The following MCC variants were observed in gnomAD, a reference collection of about 807,000 sequenced individuals.
MCC encodes the protein colorectal mutant cancer protein.
In MCC, 90 loss-of-function variants were observed where a neutral mutation model predicts 116.2. The ratio of observed to expected loss-of-function variants is 0.77; its 90% confidence interval spans 0.65 to 0.92. The LOEUF (loss-of-function observed/expected upper bound fraction) is 0.92. MCC is among the 40% of genes least tolerant of loss of function. The probability of loss-of-function intolerance (pLI) is 0.00; values close to 1 mark genes in which losing one functional copy is unlikely to be tolerated. For missense variants in MCC, 1,516 were observed against 1,312.2 expected (o/e 1.16, Z -2.40); for synonymous variants, 578 against 510.5 (o/e 1.13, Z -1.78).
intron 3 of MCC, among the ~76,000 whole-genome samples, chr5:113,226,785 T>G (rs913511842): frequency 3.3e-5 from 5 of 152,180 alleles, no homozygotes; most frequent in African/African-American, 1.2e-4. Flanking sequence ...AACTTTACAA[T>G]GTTTTATCTG....
At chr5:113,230,970 A>G (rs1763919065) in intron 3 of MCC, among the ~76,000 whole-genome samples, 1 of 152,164 alleles carries the variant, frequency 6.6e-6, no homozygotes, top group Admixed American at 6.5e-5. Context: ...TGAGCCCGAC[A>G]AACACTCCCC....
chr5:113,355,668 C>T (rs982748355), intron 2 of MCC, among the ~76,000 whole-genome samples: 8 of 152,130 alleles, frequency 5.3e-5, no homozygotes, highest in Non-Finnish European at 1.0e-4. Flanking sequence ...CTACCTCTTG[C>T]TGTGTCCTCA....
chr5:113,140,150 C>G (rs551829749), intron 5 of MCC, among the ~76,000 whole-genome samples: 180 of 152,236 alleles, frequency 1.2e-3, no homozygotes, highest in African/African-American at 4.2e-3. Flanking sequence ...GTTGGATTTT[C>G]TACTTATCTC....
At chr5:113,286,567 T>C (rs991959112) in intron 3 of MCC, among the ~76,000 whole-genome samples, 5 of 152,232 alleles carry the variant, frequency 3.3e-5, no homozygotes, top group Non-Finnish European at 7.3e-5. Context: ...TCAAATCTCA[T>C]GACAAGGGAT....
At chr5:113,130,323 C>A (rs536434070) in intron 5 of MCC, among the ~76,000 whole-genome samples, 21 of 152,162 alleles carry the variant, frequency 1.4e-4, no homozygotes, top group Admixed American at 1.2e-3. Flanking sequence ...ACATCACACA[C>A]TGGGGCCTGT....
intron 3 of MCC, among the ~76,000 whole-genome samples, chr5:113,176,396 C>T (rs1761337507): frequency 6.6e-6 from 1 of 152,192 alleles, no homozygotes; most frequent in Admixed American, 6.5e-5. Context: ...AGCTGTGCTG[C>T]CAACACTCAG....
intron 1 of MCC, among the ~76,000 whole-genome samples, chr5:113,471,716 G>C (rs982077515): frequency 6.2e-5 from 9 of 145,176 alleles, no homozygotes; most frequent in Non-Finnish European, 1.5e-5. Context: ...GGACATTTAA[G>C]TCTGCAGAGG....
chr5:113,253,820 A>C (rs183240455), intron 3 of MCC, among the ~76,000 whole-genome samples: 28 of 152,334 alleles, frequency 1.8e-4, no homozygotes, highest in Non-Finnish European at 3.4e-4. Flanking sequence ...AAATACATAT[A>C]TAAAACAAAA....
intron 6 of MCC, 59 bp downstream of exon 6, chr5:113,122,625 A>G (rs1413468430): frequency 6.3e-7 from 1 of 1,584,726 alleles, no homozygotes; most frequent in South Asian, 1.1e-5. Flanking sequence ...CATTTCTAAA[A>G]TTTCTATTAC....
At chr5:113,314,268 T>C (rs1242307842) in intron 3 of MCC, among the ~76,000 whole-genome samples, 5 of 152,220 alleles carry the variant, frequency 3.3e-5, no homozygotes, top group East Asian at 1.9e-4. Context: ...TTTAAAATGA[T>C]AGAATAGACA....
At chr5:113,155,360 TC>T (rs1760114321) in intron 3 of MCC, among the ~76,000 whole-genome samples, 2 of 152,200 alleles carry the variant, frequency 1.3e-5, no homozygotes, top group South Asian at 4.1e-4. Context: ...ATACAGGTGT[TC>T]CTGTAATAAG....
chr5:113,310,391 T>C (rs1054180417), intron 3 of MCC, among the ~76,000 whole-genome samples: 8 of 152,206 alleles, frequency 5.3e-5, no homozygotes, highest in African/African-American at 1.9e-4. Flanking sequence ...TCTAGCGCCT[T>C]GCTTTTGAAC....
intron 11 of MCC, among the ~76,000 whole-genome samples, chr5:113,072,910 G>T (rs1367752433): frequency 1.3e-5 from 2 of 151,986 alleles, no homozygotes; most frequent in African/African-American, 2.4e-5. Context: ...TTCCAAAGTG[G>T]GATTCTTGAT....
At chr5:113,318,509 A>G (rs1001602739) in intron 3 of MCC, among the ~76,000 whole-genome samples, 1 of 152,236 alleles carries the variant, frequency 6.6e-6, no homozygotes, top group Non-Finnish European at 1.5e-5. Context: ...CATAAAAAAG[A>G]ATGAGATCAT....
chr5:113,169,891 A>G (rs2150302767), intron 3 of MCC, among the ~76,000 whole-genome samples: 1 of 152,346 alleles, frequency 6.6e-6, no homozygotes. Context: ...AGCAAAGTGC[A>G]CTGTTTGGGA....
chr5:113,183,156 C>T (rs545418868), intron 3 of MCC, among the ~76,000 whole-genome samples: 1 of 152,246 alleles, frequency 6.6e-6, no homozygotes, highest in African/African-American at 2.4e-5. Context: ...GATCTCTCAG[C>T]GGCCCCATCT....
At chr5:113,409,222 A>T (rs1769913226) in intron 1 of MCC, among the ~76,000 whole-genome samples, 1 of 152,240 alleles carries the variant, frequency 6.6e-6, no homozygotes, top group Non-Finnish European at 1.5e-5. Context: ...TAACTATAAA[A>T]GACATTTCGG....
At chr5:113,413,128 A>C (rs954182754) in intron 1 of MCC, among the ~76,000 whole-genome samples, 1 of 152,094 alleles carries the variant, frequency 6.6e-6, no homozygotes, top group African/African-American at 2.4e-5. Flanking sequence ...AGCCCACTTG[A>C]TCATGGTGGA....
At chr5:113,401,888 C>T (rs1221136217) in intron 1 of MCC, among the ~76,000 whole-genome samples, 1 of 151,906 alleles carries the variant, frequency 6.6e-6, no homozygotes, top group Non-Finnish European at 1.5e-5. Context: ...CTTCCTCTGT[C>T]ACCCAGGTTG....
Sources: gnomAD v4.1 joint callset for allele counts (sites outside exome capture counted in the v4.1 genomes callset) on GRCh38, gnomAD v4.1.1 for gene constraint, MANE v1.5 for transcripts, NCBI Gene and HGNC (gene_info 2026-07-23, HGNC 2026-07-21) for gene names.